Variants in MARK4 observed in about 807,000 individuals in gnomAD.
MARK4 encodes microtubule affinity regulating kinase 4, also known as MAP/microtubule affinity-regulating kinase 4.
Under a neutral mutation model 81.5 loss-of-function variants are expected in MARK4, and 19 were observed. That is an observed-to-expected ratio of 0.23 (90% CI 0.16 to 0.34). The LOEUF is 0.34. Among genes scored for constraint, MARK4 ranks in the 10% least tolerant of loss-of-function variants. The probability of loss-of-function intolerance (pLI) is 1.00; values close to 1 mark genes in which losing one functional copy is unlikely to be tolerated. For synonymous variants in MARK4, 436 were observed against 439.0 expected, an observed-to-expected ratio of 0.99 and a Z score of 0.08; for missense variants, 772 against 1,058.8, an observed-to-expected ratio of 0.73 and a Z score of 3.76.
intron 1 of MARK4, among the ~76,000 whole-genome samples, chr19:45,256,157 GCAGGGGGTGGTGGCT>G (rs1279507529): frequency 2.6e-5 from 4 of 152,218 alleles, no homozygotes; most frequent in Non-Finnish European, 1.5e-5. Flanking sequence ...TGGTTACCCT[GCAGGGGGTGGTGGCT>G]CAGGCCTGTA....
intron 7 of MARK4, among the ~76,000 whole-genome samples, chr19:45,270,732 TGG>T (rs34047058): frequency 6.6e-6 from 1 of 152,192 alleles, no homozygotes; most frequent in African/African-American, 2.4e-5. Flanking sequence ...CCTGAGTACC[TGG>T]GACTACTGGC....
chr19:45,287,397 T>C (rs1393011494), intron 12 of MARK4, 50 bp from the exon 13 acceptor site: 2 of 1,276,738 alleles, frequency 1.6e-6, no homozygotes, highest in Non-Finnish European at 1.0e-6. Context: ...CCAGAGTCAG[T>C]TCTGGGTTTC....
In MARK4 at chr19:45,302,520, A is replaced by C. The variant is rs1249876214; in HGVS notation, c.2069A>C (p.Gln690Pro). ...GCAGCCGCCCGCTGCCGCTGCCGCC[A>C]GCCACAGCCGTTCCTGCTGGCCTGC... Reference protein sequence around the residue: ...ATAAARCRCRQPQPFLLACLH... With the variant: ...ATAAARCRCRPPQPFLLACLH... Residue 690 changes from glutamine (Q) to proline (P), a missense_variant, in exon 17 of 17, where the codon CAG (glutamine) becomes CCG (proline). Coordinates refer to ENST00000262891, the MANE Select transcript of MARK4 (RefSeq NM_001199867.2). This position sits in a 1 kb window ranked among gnomAD's most constrained non-coding sequence, Gnocchi z 4.9. 6.2e-7 allele frequency: 1 copy of C among 1,601,754 alleles called. No homozygotes were observed. The highest frequency in any genetic ancestry group is 1.3e-5 in the African/African-American group (1 of 74,864).
intron 8 of MARK4, among the ~76,000 whole-genome samples, chr19:45,273,340 A>T (rs1393278612): frequency 1.3e-5 from 2 of 152,146 alleles, no homozygotes; most frequent in African/African-American, 4.8e-5. Context: ...TTAGTTGCAG[A>T]CGCTGTGTCC....
chr19:45,294,115 T>A (rs1308189612), intron 13 of MARK4, among the ~76,000 whole-genome samples: 1 of 152,100 alleles, frequency 6.6e-6, no homozygotes, highest in Non-Finnish European at 1.5e-5. Flanking sequence ...TCGTTTTCCC[T>A]CAGTGCCCCC....
chr19:45,268,073 G>A (rs1173031351), intron 7 of MARK4, among the ~76,000 whole-genome samples: 1 of 152,068 alleles, frequency 6.6e-6, no homozygotes, highest in Non-Finnish European at 1.5e-5. Context: ...TGGGATTACA[G>A]GTGTGAGCCA....
chr19:45,254,539 C>T (rs929992861), intron 1 of MARK4, among the ~76,000 whole-genome samples: 1 of 152,232 alleles, frequency 6.6e-6, no homozygotes, highest in African/African-American at 2.4e-5. Flanking sequence ...GGGTTCGCAT[C>T]CCAGCACTCT....
chr19:45,297,510 A>G (rs889908402), intron 14 of MARK4, among the ~76,000 whole-genome samples, 166 bp from the exon 15 acceptor site: 1 of 152,176 alleles, frequency 6.6e-6, no homozygotes, highest in Admixed American at 6.5e-5. Flanking sequence ...AAATAATGCT[A>G]GGATTGTATA....
Position 45,270,166 on chromosome 19 carries a change from C to T in MARK4, c.550-1306C>T, listed in dbSNP as rs565794385. On this transcript the variant is annotated intron_variant, in intron 7 of 16. Transcript: ENST00000262891. ...TGATCACTGACTGTGCTCTAGGGGC[C>T]GCTGTGAGCACTTTACGCTTAAACC... Among the ~76,000 whole-genome samples the T allele has an allele frequency of 1.2e-4, 19 of 152,174 alleles. No homozygotes were observed. The South Asian group carries it at 1.9e-3, about 15-fold the overall frequency.
At chr19:45,253,836 C>A (rs965415383) in intron 1 of MARK4, among the ~76,000 whole-genome samples, 1 of 152,174 alleles carries the variant, frequency 6.6e-6, no homozygotes, top group Non-Finnish European at 1.5e-5. Flanking sequence ...GTTTCTGTCC[C>A]TCCCTAGCTG....
At chr19:45,257,383 CTTTTTTTT>C (rs35210904) in intron 1 of MARK4, among the ~76,000 whole-genome samples, 1 of 124,386 alleles carries the variant, frequency 8.0e-6, no homozygotes, top group Non-Finnish European at 1.7e-5. Flanking sequence ...TTTTCTTTCT[CTTTTTTTT>C]TTTTTTTTTT....
At chr19:45,280,844 C>T in intron 12 of MARK4, 110 bp downstream of exon 12, 1 of 1,440,536 alleles carries the variant, frequency 6.9e-7, no homozygotes, top group African/African-American at 1.4e-5. Context: ...CTGGAGCTAA[C>T]CTCAGAGAGG....
intron 2 of MARK4, among the ~76,000 whole-genome samples, chr19:45,259,615 T>C (rs1195436609): frequency 6.6e-6 from 1 of 150,738 alleles, no homozygotes; most frequent in Admixed American, 6.6e-5. Flanking sequence ...ATAAGTAAAA[T>C]TTTTTAAAAA....
chr19:45,251,843 C>T (rs899176009), intron 1 of MARK4, among the ~76,000 whole-genome samples: 2 of 152,018 alleles, frequency 1.3e-5, no homozygotes, highest in Admixed American at 1.3e-4. Context: ...GGGCGCCCCT[C>T]TCTCGGGACC....
At position 45,259,044 on chromosome 19, in the gene MARK4, G is replaced by A. The variant is rs770299929; in HGVS notation, c.107G>A (p.Arg36His). 2.5e-6 allele frequency: 4 copies of A among 1,613,896 alleles called. No individual in the cohort carries two copies. Among genetic ancestry groups the A allele is most frequent in the South Asian group, 1.1e-5 (1 of 91,072 alleles). ...GACAAAGGCCCGTCCTGGTCCAGCC[G>A]CTCACTGGGTGCCCGTTGCCGGAAC... is the stretch of plus-strand genomic sequence containing the variant. Reference protein sequence around the residue: ...SSDKGPSWSSRSLGARCRNSI... With the variant: ...SSDKGPSWSSHSLGARCRNSI... The change falls in exon 2 of 17, where the codon CGC becomes CAC. Residue 36 changes from arginine (R) to histidine (H), a missense_variant. Transcript: ENST00000262891.
At chr19:45,275,252 C>G (rs1315075706) in intron 8 of MARK4, among the ~76,000 whole-genome samples, 2 of 151,868 alleles carry the variant, frequency 1.3e-5, no homozygotes, top group African/African-American at 4.8e-5. Flanking sequence ...CAGAGCAAGA[C>G]TCCATCTCAA....
At chr19:45,254,590 G>C (rs1232451777) in intron 1 of MARK4, among the ~76,000 whole-genome samples, 1 of 152,216 alleles carries the variant, frequency 6.6e-6, no homozygotes, top group Non-Finnish European at 1.5e-5. Context: ...GACTCCCCCT[G>C]CCTGAGCCTG....
intron 8 of MARK4, among the ~76,000 whole-genome samples, chr19:45,275,818 T>C (rs1007807854): frequency 1.3e-5 from 2 of 152,208 alleles, no homozygotes; most frequent in East Asian, 3.9e-4. Flanking sequence ...CATAAAGCAC[T>C]TAGAACACTG....
At chr19:45,255,548 T>G (rs1599775812) in intron 1 of MARK4, among the ~76,000 whole-genome samples, 1 of 108,586 alleles carries the variant, frequency 9.2e-6, no homozygotes, top group African/African-American at 4.1e-5. Flanking sequence ...GCAACAAGAG[T>G]GAAACTCTGC....
Sources: gnomAD v4.1 joint callset for allele counts (sites outside exome capture counted in the v4.1 genomes callset) on GRCh38, gnomAD v4.1.1 for gene constraint, Gnocchi (gnomAD v3.1) non-coding constraint, MANE v1.5 for transcripts, NCBI Gene and HGNC (gene_info 2026-07-23, HGNC 2026-07-21) for gene names.